SLC24A3: variants seen among roughly 807,000 people sequenced by gnomAD.
SLC24A3 encodes solute carrier family 24 member 3.
A neutral mutation model predicts 75.8 loss-of-function variants in SLC24A3; 28 were observed. That is an observed-to-expected ratio of 0.37 (90% CI 0.27 to 0.51). The LOEUF (loss-of-function observed/expected upper bound fraction) is 0.51. Among genes scored for constraint, SLC24A3 ranks in the 20% least tolerant of loss-of-function variants. The pLI is 0.94. For synonymous variants in SLC24A3, 372 were observed against 334.1 expected (o/e 1.11, Z -1.24); for missense variants, 663 against 847.8 (o/e 0.78, Z 2.71).
intron 6 of SLC24A3, among the ~76,000 whole-genome samples, chr20:19,617,901 C>T (rs1218245251): frequency 6.6e-6 from 1 of 152,176 alleles, no homozygotes; most frequent in East Asian, 1.9e-4. Flanking sequence ...TCTTTTTGAT[C>T]TCCAACTTCC....
chr20:19,444,321 T>TA lies in SLC24A3; in HGVS notation c.272-71166dup, dbSNP rs1431420454. Among the ~76,000 whole-genome samples, 4 of 152,294 alleles carry TA rather than the reference T, an allele frequency of 2.6e-5. No individual in the cohort carries two copies. The East Asian group carries it at 7.7e-4, about 29-fold the overall frequency. Reference sequence around the variant, plus strand: ...CTTTCATGTAATTTATCTGGTTTGGTACTGGAGTAATGTTGGCCTTAGAGA... The same window carrying TA: ...CTTTCATGTAATTTATCTGGTTTGGTAACTGGAGTAATGTTGGCCTTAGAGA... On this transcript the variant is annotated intron_variant, in intron 2 of 16. Coordinates refer to ENST00000328041, the MANE Select transcript of SLC24A3 (RefSeq NM_020689.4).
chr20:19,279,016 A>G (rs918334704), intron 1 of SLC24A3, among the ~76,000 whole-genome samples: 2 of 152,192 alleles, frequency 1.3e-5, no homozygotes, highest in Admixed American at 6.5e-5. Flanking sequence ...ACACATACCT[A>G]CTGAGTACCT....
At chr20:19,484,561 A>T (rs775974353) in intron 2 of SLC24A3, among the ~76,000 whole-genome samples, 9 of 152,232 alleles carry the variant, frequency 5.9e-5, no homozygotes, top group Non-Finnish European at 1.2e-4. Flanking sequence ...CCTTGAAGAC[A>T]TTATGCTAAG....
chr20:19,445,507 A>G (rs559907809), intron 2 of SLC24A3, among the ~76,000 whole-genome samples: 1 of 152,332 alleles, frequency 6.6e-6, no homozygotes, highest in East Asian at 1.9e-4. Flanking sequence ...GGGAATTGGA[A>G]TGTAAGACGA....
chr20:19,557,649 A>T (rs1237544425), intron 3 of SLC24A3, among the ~76,000 whole-genome samples: 2 of 152,314 alleles, frequency 1.3e-5, no homozygotes, highest in Non-Finnish European at 2.9e-5. Context: ...GTAAGAATGC[A>T]GCACAGTTCT....
At chr20:19,395,907 G>A (rs1986445364) in intron 2 of SLC24A3, among the ~76,000 whole-genome samples, 1 of 152,126 alleles carries the variant, frequency 6.6e-6, no homozygotes, top group Non-Finnish European at 1.5e-5. Flanking sequence ...ATGGTTTGGG[G>A]CCATTTGGGG....
chr20:19,287,316 C>CTAGA (rs1236657513), intron 2 of SLC24A3, among the ~76,000 whole-genome samples: 1 of 152,206 alleles, frequency 6.6e-6, no homozygotes, highest in Non-Finnish European at 1.5e-5. Context: ...GTTTTATGGA[C>CTAGA]TAGATGCTCA....
intron 7 of SLC24A3, among the ~76,000 whole-genome samples, chr20:19,655,828 G>A (rs922018255): frequency 1.3e-5 from 2 of 152,066 alleles, no homozygotes; most frequent in Non-Finnish European, 2.9e-5. Context: ...CCACACCACA[G>A]GCTTTGTAGA....
chr20:19,502,287 C>T (rs1434170815), intron 2 of SLC24A3, among the ~76,000 whole-genome samples: 5 of 152,088 alleles, frequency 3.3e-5, no homozygotes, highest in African/African-American at 1.2e-4. Flanking sequence ...CTATAATAGA[C>T]ATATAAATTT....
At chr20:19,256,958 C>T (rs1172006055) in intron 1 of SLC24A3, among the ~76,000 whole-genome samples, 1 of 151,988 alleles carries the variant, frequency 6.6e-6, no homozygotes, top group East Asian at 1.9e-4. Context: ...GCTAGAAAAT[C>T]TGGAATTCAT....
chr20:19,292,261 C>T (rs1390834722), intron 2 of SLC24A3, among the ~76,000 whole-genome samples: 1 of 152,200 alleles, frequency 6.6e-6, no homozygotes, highest in Non-Finnish European at 1.5e-5. Flanking sequence ...TGCAACAGTC[C>T]TGAGGGGTCC....
intron 16 of SLC24A3, among the ~76,000 whole-genome samples, chr20:19,719,362 A>G (rs1009733274): frequency 6.6e-6 from 1 of 152,224 alleles, no homozygotes; most frequent in Admixed American, 6.5e-5. Flanking sequence ...TATGCCAATT[A>G]GAATAATCCA....
chr20:19,626,542 G>C (rs1453755752), intron 6 of SLC24A3, among the ~76,000 whole-genome samples: 1 of 152,130 alleles, frequency 6.6e-6, no homozygotes, highest in East Asian at 1.9e-4. Flanking sequence ...AATATTTCTT[G>C]GTCCTATTCT....
chr20:19,693,038 A>C (rs894907907), intron 12 of SLC24A3, among the ~76,000 whole-genome samples: 6 of 152,120 alleles, frequency 3.9e-5, no homozygotes, highest in African/African-American at 1.4e-4. Flanking sequence ...CCTAATCAGC[A>C]GGTGGGCAGT....
At chr20:19,575,221 T>C (rs1041157430) in intron 3 of SLC24A3, among the ~76,000 whole-genome samples, 1 of 130,600 alleles carries the variant, frequency 7.7e-6, no homozygotes, top group African/African-American at 2.9e-5. Context: ...TGCATCACTA[T>C]ACTCCAGCCT....
intron 2 of SLC24A3, among the ~76,000 whole-genome samples, chr20:19,486,945 C>T (rs1199592970): frequency 2.6e-5 from 4 of 152,098 alleles, no homozygotes; most frequent in Non-Finnish European, 5.9e-5. Flanking sequence ...GCCATGGAGC[C>T]CTGCTTCTCT....
intron 3 of SLC24A3, among the ~76,000 whole-genome samples, chr20:19,524,737 A>C (rs2030166817): frequency 6.6e-6 from 1 of 152,188 alleles, no homozygotes; most frequent in African/African-American, 2.4e-5. Context: ...CTGACATTGC[A>C]GCAGTCACAG....
At chr20:19,646,768 G>T (rs555770307) in intron 6 of SLC24A3, among the ~76,000 whole-genome samples, 2 of 152,006 alleles carry the variant, frequency 1.3e-5, no homozygotes, top group Non-Finnish European at 2.9e-5. Context: ...ATTTAAAATG[G>T]CATGAATTAG....
intron 2 of SLC24A3, among the ~76,000 whole-genome samples, chr20:19,432,406 G>A (rs1363579585): frequency 6.6e-6 from 1 of 151,890 alleles, no homozygotes; most frequent in East Asian, 1.9e-4. Flanking sequence ...TAATTTGAAA[G>A]TATTAGATTG....
Sources: allele counts gnomAD v4.1 joint callset (sites outside exome capture counted in the v4.1 genomes callset), GRCh38; gene constraint gnomAD v4.1.1; transcripts MANE v1.5; gene names NCBI Gene and HGNC (gene_info 2026-07-23, HGNC 2026-07-21).